Variants in MS4A15 observed in about 807,000 individuals in gnomAD.
MS4A15 encodes the protein membrane-spanning 4-domains subfamily A member 15.
MS4A15 carries 22 observed loss-of-function variants against 20.6 expected under a neutral mutation model. The observed-to-expected ratio is 1.07, with a 90% CI of 0.76 to 1.52. The LOEUF (loss-of-function observed/expected upper bound fraction) is 1.52, where lower values mean the gene tolerates loss of function less well. Among genes scored for constraint, MS4A15 ranks in the 40% most tolerant of loss-of-function variants. The pLI is 0.00. For missense variants in MS4A15, 312 were observed against 323.0 expected (o/e 0.97, Z 0.26); for synonymous variants, 129 against 129.3 (o/e 1.00, Z 0.02).
intron 1 of MS4A15, among the ~76,000 whole-genome samples, chr11:60,758,778 A>G (rs957990162): frequency 6.6e-6 from 1 of 152,182 alleles, no homozygotes; most frequent in Non-Finnish European, 1.5e-5. Context: ...ATTTGTATCT[A>G]TTGTTGTTTC....
intron 3 of MS4A15, among the ~76,000 whole-genome samples, chr11:60,768,137 G>A (rs1171560781): frequency 2.0e-5 from 3 of 152,152 alleles, no homozygotes; most frequent in Non-Finnish European, 4.4e-5. Context: ...AGGTTGCAGT[G>A]AGCTGAGATC....
At chr11:60,762,592 C>T (rs540435502) in intron 1 of MS4A15, among the ~76,000 whole-genome samples, 1 of 152,270 alleles carries the variant, frequency 6.6e-6, no homozygotes, top group South Asian at 2.1e-4. Flanking sequence ...TGGGTAATGG[C>T]CAATATACTT....
chr11:60,760,517 C>T (rs1378314043), intron 1 of MS4A15, among the ~76,000 whole-genome samples: 1 of 152,178 alleles, frequency 6.6e-6, no homozygotes, highest in African/African-American at 2.4e-5. Context: ...ATGCTATCCC[C>T]ATGCCGGAGA....
intron 6 of MS4A15, 52 bp from the exon 7 acceptor site, chr11:60,775,553 T>C: frequency 1.3e-6 from 2 of 1,482,296 alleles, no homozygotes; most frequent in Non-Finnish European, 1.9e-6. Context: ...ATTGAACCAC[T>C]ACCCTGAAGC....
chr11:60,775,107 G>A (rs1854153481), intron 6 of MS4A15, among the ~76,000 whole-genome samples: 1 of 152,148 alleles, frequency 6.6e-6, no homozygotes, highest in Admixed American at 6.5e-5. Context: ...TCTGAGGTCA[G>A]GAGTTCAAGA....
chr11:60,761,804 C>G (rs560623378), intron 1 of MS4A15, among the ~76,000 whole-genome samples: 1 of 152,198 alleles, frequency 6.6e-6, no homozygotes, highest in African/African-American at 2.4e-5. Flanking sequence ...TTGTACTACG[C>G]ACTCTTATAT....
rs1195713513 is a variant in MS4A15 at position 60,775,670 on chromosome 11, G to GC, written c.683dup (p.Ala229CysfsTer3). ...ACATCCCCAGCCCGGCAGCCTCTGCGCCCCCTGCCTATGACAATGTGGCAT... is the reference window on the plus strand; with the variant it reads ...ACATCCCCAGCCCGGCAGCCTCTGCGCCCCCCTGCCTATGACAATGTGGCAT... On this transcript the variant is annotated frameshift_variant, in exon 7 of 7. Transcript: ENST00000405633. LOFTEE classifies it high-confidence loss of function. 4 of 1,613,672 alleles carry GC rather than the reference G, an allele frequency of 2.5e-6. No homozygotes were observed. Among genetic ancestry groups the GC allele is most frequent in the Non-Finnish European group, 3.4e-6 (4 of 1,179,884 alleles).
At chr11:60,771,862 G>A in intron 4 of MS4A15, 7 of 953,732 alleles carry the variant, frequency 7.3e-6, no homozygotes, top group Non-Finnish European at 8.2e-6. Flanking sequence ...GGGAGGCGAT[G>A]GAGGCTTTGA....
intron 6 of MS4A15, among the ~76,000 whole-genome samples, chr11:60,774,940 C>T (rs190352876): frequency 1.1e-4 from 17 of 152,226 alleles, no homozygotes; most frequent in Non-Finnish European, 1.0e-4. Flanking sequence ...GGGCTCGAGG[C>T]CAGGAAGCTG....
intron 3 of MS4A15, among the ~76,000 whole-genome samples, chr11:60,767,890 G>A (rs75851712): frequency 0.011 from 1,737 of 152,290 alleles, 98 homozygotes; most frequent in Admixed American, 0.095. Flanking sequence ...AGCCAGAGAA[G>A]CTGCCAAAAA....
intron 3 of MS4A15, 93 bp downstream of exon 3, chr11:60,767,748 C>G: frequency 7.2e-7 from 1 of 1,389,716 alleles, no homozygotes; most frequent in East Asian, 2.8e-5. Context: ...CTCCTGGGCA[C>G]AGCCTCTCCT....
At position 60,776,379 on chromosome 11, in the gene MS4A15, C is replaced by T. The variant is rs1197811554; in HGVS notation, c.*664C>T. On this transcript the variant is annotated 3_prime_UTR_variant, in exon 7 of 7. Transcript: ENST00000405633. ...CTGCTTCCTGGAAACCCTCATTTTC[C>T]TTGTCTGTAATATGAAGTCAGCATT... 1 of 152,306 alleles carries T rather than the reference C, an allele frequency of 6.6e-6. No individual in the cohort carries two copies. The highest frequency in any genetic ancestry group is 1.9e-4 in the East Asian group (1 of 5,194). 9.4% of individuals were successfully genotyped at this position (152,306 alleles called of 1,614,324 possible).
intron 3 of MS4A15, among the ~76,000 whole-genome samples, chr11:60,770,898 A>G (rs973422376): frequency 1.1e-4 from 16 of 151,894 alleles, no homozygotes; most frequent in Admixed American, 7.9e-4. Flanking sequence ...TAGAGACTGG[A>G]GTTTCACCAT....
intron 6 of MS4A15, 67 bp from the exon 7 acceptor site, chr11:60,775,538 G>A: frequency 1.6e-6 from 2 of 1,267,112 alleles, no homozygotes; most frequent in South Asian, 1.2e-5. Flanking sequence ...CCACAAGGGG[G>A]CACTATTGAA....
chr11:60,761,472 A>G (rs1853737514), intron 1 of MS4A15, among the ~76,000 whole-genome samples: 1 of 152,180 alleles, frequency 6.6e-6, no homozygotes, highest in African/African-American at 2.4e-5. Flanking sequence ...AGTGGTCTCC[A>G]TCCAGACAGC....
Position 60,775,610 on chromosome 11 carries a change from G to C in MS4A15, c.618G>C (p.Val206=). 1 of 1,613,836 alleles carries C rather than the reference G, an allele frequency of 6.2e-7. No homozygotes were observed. Among genetic ancestry groups the C allele is most frequent in the Non-Finnish European group, 8.5e-7 (1 of 1,179,864 alleles). The change falls in exon 7 of 7, where the codon GTG becomes GTC. Residue 206 remains valine, a synonymous_variant. Coordinates refer to ENST00000405633, the MANE Select transcript of MS4A15 (RefSeq NM_001098835.2). ...CAGTGCTGTTTTCTTTGCAGCCTGT[G>C]ATCTTCCTGCCAAACGCCTTCAGCG... ...QAIHAQASAP[V]IFLPNAFSAD...
At chr11:60,769,480 A>G (rs1853973830) in intron 3 of MS4A15, among the ~76,000 whole-genome samples, 1 of 152,188 alleles carries the variant, frequency 6.6e-6, no homozygotes, top group Non-Finnish European at 1.5e-5. Context: ...GAACCTGGGC[A>G]AGTTGCTGCC....
At chr11:60,762,084 C>T (rs753751602) in intron 1 of MS4A15, among the ~76,000 whole-genome samples, 4 of 152,198 alleles carry the variant, frequency 2.6e-5, no homozygotes, top group Non-Finnish European at 5.9e-5. Context: ...ACTTTAATTG[C>T]TTTTTTAGTC....
intron 4 of MS4A15, chr11:60,771,859 G>C: frequency 6.2e-6 from 6 of 974,230 alleles, no homozygotes; most frequent in Non-Finnish European, 8.0e-6. Flanking sequence ...ACTGGGAGGC[G>C]ATGGAGGCTT....
Sources: gnomAD v4.1 joint callset for allele counts (sites outside exome capture counted in the v4.1 genomes callset) on GRCh38, gnomAD v4.1.1 for gene constraint, MANE v1.5 for transcripts, NCBI Gene and HGNC (gene_info 2026-07-23, HGNC 2026-07-21) for gene names.